TTN: variants seen among roughly 807,000 people sequenced by gnomAD.
TTN encodes titin, also known as connectin.
In TTN, 1,525 loss-of-function variants were observed where a neutral mutation model predicts 3,223.0. The observed-to-expected ratio is 0.47, with a 90% CI of 0.45 to 0.49. The LOEUF is 0.49. Among genes scored for constraint, TTN ranks in the 20% least tolerant of loss-of-function variants. TTN has a pLI of 0.00. For synonymous variants in TTN, 14,094 were observed against 15,161.0 expected (o/e 0.93, Z 5.17); for missense variants, 40,786 against 43,424.0 (o/e 0.94, Z 5.40).
In TTN at chr2:178,534,547, A is replaced by T. The variant is rs1254337927; in HGVS notation, c.102068T>A (p.Ile34023Asn). ...NPFLAETNQQIIENIMNAEYT... is the reference protein window; with the variant it reads ...NPFLAETNQQNIENIMNAEYT... ...TTCAGCATTCATGATATTCTCAATG[A>T]TCTGTTGGTTAGTTTCAGCCAGGAA... is the stretch of plus-strand genomic sequence containing the variant. Residue 34023 changes from isoleucine (I) to asparagine (N), a missense_variant, in exon 358 of 363, where the codon ATC (isoleucine) becomes AAC (asparagine). Ile to Asn is a moderately radical substitution (Grantham distance 149, BLOSUM62 -3). Transcript: ENST00000589042. The T allele has an allele frequency of 1.2e-6, 2 of 1,613,734 alleles. No homozygotes were observed. The highest frequency in any genetic ancestry group is 1.7e-6 in the Non-Finnish European group (2 of 1,179,814).
rs1477274321 is a variant in TTN, at chr2:178,720,819, A to C, written c.23098+102T>G. 3 of 1,423,930 alleles carry C rather than the reference A, an allele frequency of 2.1e-6. No individual in the cohort carries two copies. The East Asian group carries it at 7.3e-5, about 35-fold the overall frequency. The allele number at this position is 1,423,930 out of a possible 1,614,324, so 88.2% of individuals were successfully genotyped here. On this transcript the variant is annotated intron_variant, in intron 79 of 362. Coordinates refer to ENST00000589042, the MANE Select transcript of TTN (RefSeq NM_001267550.2). Reference sequence around the variant, plus strand: ...TCATTAAAACTTGTTGAAGAATTGCAACCAAATAACCTTAATTATCCTTTT... The same window carrying C: ...TCATTAAAACTTGTTGAAGAATTGCCACCAAATAACCTTAATTATCCTTTT...
Position 178,600,836 on chromosome 2 carries a change from C to T in TTN, c.56050+18G>A. Reference sequence around the variant, plus strand: ...CAGCTGTAAGGAGGACATTCTTTGTCAGTACATTGGTACTTACATGTCTGG... The same window carrying T: ...CAGCTGTAAGGAGGACATTCTTTGTTAGTACATTGGTACTTACATGTCTGG... On this transcript the variant is annotated intron_variant, in intron 288 of 362. Transcript: ENST00000589042. 1 of 1,612,356 alleles carries T rather than the reference C, an allele frequency of 6.2e-7. No individual in the cohort carries two copies. The highest frequency in any genetic ancestry group is 8.5e-7 in the Non-Finnish European group (1 of 1,178,836).
Position 178,704,934 on chromosome 2 carries a change from G to A in TTN, c.29637C>T (p.Asp9879=), listed in dbSNP as rs375591605. 6.4e-5 allele frequency: 103 copies of A among 1,612,790 alleles called. No individual in the cohort carries two copies. The highest frequency in any genetic ancestry group is 1.1e-4 in the African/African-American group (8 of 74,904). The part of the protein sequence containing the change: ...EIEEIERSER[D]EKEFEELVSF... ...ATACAAGTTCCTCAAATTCCTTTTC[G>A]TCCCTCTCTGACCTCTCTATTTCCT... The change falls in exon 104 of 363, where the codon GAC becomes GAT. Residue 9879 remains aspartate (D), a synonymous_variant. Transcript: ENST00000589042.
Position 178,782,785 on chromosome 2 carries a change from T to C in TTN, c.3100+21A>G, listed in dbSNP as rs758840854. On this transcript the variant is annotated intron_variant, in intron 18 of 362. Transcript: ENST00000589042. ...AAAGTGATGGCATGTGCATTAGGAC[T>C]GTGGGAGGGTGGCCACTAACCCTGC... 8.1e-6 allele frequency: 13 copies of C among 1,612,216 alleles called. No homozygotes were observed. The East Asian group carries it at 1.8e-4, about 22-fold the overall frequency.
At chr2:178,726,539 A>AAG (rs2079370272) in intron 69 of TTN, 1 of 152,892 alleles carries the variant, frequency 6.5e-6, no homozygotes, top group South Asian at 2.1e-4. Flanking sequence ...GTGACAAAAA[A>AAG]AAAAAGCACT....
rs2057726162 is a variant in TTN, at chr2:178,618,352, C to T, written c.47106G>A (p.Lys15702=). Residue 15702 remains lysine, a synonymous_variant, in exon 252 of 363, where the codon AAG becomes AAA. Transcript: ENST00000589042. The part of the protein sequence containing the change: ...YVVERRDIKR[K]TWVLATDRAE... ...CACGGTCTGTGGCCAGAACCCAGGT[C>T]TTTCTCTTAATGTCACGTCTTTCAA... is the stretch of plus-strand genomic sequence containing the variant. 7 of 1,612,600 alleles carry T rather than the reference C, an allele frequency of 4.3e-6. No homozygotes were observed. Among genetic ancestry groups the T allele is most frequent in the Non-Finnish European group, 5.9e-6 (7 of 1,179,098 alleles).
At position 178,567,784 on chromosome 2, in the gene TTN, A is replaced by G. The variant is rs745991440; in HGVS notation, c.78348T>C (p.Gly26116=). 6.2e-7 allele frequency: 1 copy of G among 1,613,400 alleles called. No homozygotes were observed. Among genetic ancestry groups the G allele is most frequent in the East Asian group, 2.2e-5 (1 of 44,822 alleles). ...CAATGTAGCCTGTAATCATACTTCC[A>G]CCATCATACACAGGTTTGGTCCACT... ...TLQWTKPVYD[G]GSMITGYIVE... is the part of the protein sequence containing the mutation. Residue 26116 remains glycine, a synonymous_variant, in exon 326 of 363, where the codon GGT becomes GGC. Transcript: ENST00000589042.
intron 208 of TTN, 146 bp from the exon 209 acceptor site, chr2:178,650,980 C>A (rs2062841928): frequency 7.9e-6 from 7 of 882,316 alleles, no homozygotes; most frequent in Admixed American, 4.9e-5. Flanking sequence ...GTCTTTGGAC[C>A]CTCATATAGT....
rs369095270 is a variant in TTN, at chr2:178,672,161, C to G, written c.35037G>C (p.Pro11679=). The G allele has an allele frequency of 3.1e-6, 5 of 1,595,494 alleles. No homozygotes were observed. Among genetic ancestry groups the G allele is most frequent in the Non-Finnish European group, 4.3e-6 (5 of 1,169,344 alleles). Reference sequence around the variant, plus strand: ...CAACTTCATGGAACTCTTCTTCTTCCGGAATTTCTTCCACTTCTGCTTCTA... The same window carrying G: ...CAACTTCATGGAACTCTTCTTCTTCGGGAATTTCTTCCACTTCTGCTTCTA... ...EVVEAEVEEI[P]EEEEFHEVEE... The change falls in exon 155 of 363, where the codon CCG becomes CCC. Residue 11679 remains proline, a synonymous_variant. Coordinates refer to ENST00000589042, the MANE Select transcript of TTN (RefSeq NM_001267550.2).
In TTN at chr2:178,574,629, C is replaced by A; in HGVS notation, c.71503G>T (p.Val23835Leu). The change falls in exon 326 of 363, where the codon GTA becomes TTA. Residue 23835 changes from valine to leucine, a missense_variant. Val to Leu is a conservative substitution (Grantham distance 32). Coordinates refer to ENST00000589042, the MANE Select transcript of TTN (RefSeq NM_001267550.2). ...ATTGAATCCTTGGTAACTGCAGTTA[C>A]CTGAGGGGTACCAGGAGGTCCAGGA... ...KVPGPPGTPQ[V>L]TAVTKDSMTI... 1 of 1,613,042 alleles carries A rather than the reference C, an allele frequency of 6.2e-7. No homozygotes were observed. Among genetic ancestry groups the A allele is most frequent in the Non-Finnish European group, 8.5e-7 (1 of 1,179,432 alleles).
Position 178,795,117 on chromosome 2 carries a change from G to C in TTN, c.1050C>G (p.Tyr350Ter). The C allele has an allele frequency of 6.2e-7, 1 of 1,614,152 alleles. No homozygotes were observed. The highest frequency in any genetic ancestry group is 8.5e-7 in the Non-Finnish European group (1 of 1,180,016). The change falls in exon 7 of 363, where the codon TAC becomes TAG. Residue 350 changes from tyrosine (Y) to a stop codon, truncating the protein, a stop_gained. Coordinates refer to ENST00000589042, the MANE Select transcript of TTN (RefSeq NM_001267550.2). LOFTEE classifies it high-confidence loss of function. ...EVPPPWKQEGYVASSSEAEMR... is the reference protein window; with the variant it reads ...EVPPPWKQEG The stretch of plus-strand genomic sequence containing the variant: ...TCTCAGCCTCAGATGAGGAGGCCAC[G>C]TAGCCCTCTTGCTTCCAAGGGGGAG...
chr2:178,645,920 C>T lies in TTN; in HGVS notation c.40408G>A (p.Ala13470Thr), dbSNP rs2061858723. 1 of 1,558,828 alleles carries T rather than the reference C, an allele frequency of 6.4e-7. No individual in the cohort carries two copies. The highest frequency in any genetic ancestry group is 8.7e-7 in the Non-Finnish European group (1 of 1,152,946). Residue 13470 changes from alanine to threonine, a missense_variant and splice_region_variant, in exon 217 of 363, where the codon GCT (alanine) becomes ACT (threonine). Transcript: ENST00000589042. The part of the protein sequence containing the change: ...DVKEKIFQLK[A>T]IPKKKVPEKP... ...AAACTTTGGAAGTGGCATTTTTTAC[C>T]TTTAAGTTGGAATATTTTCTCCTTC...
In TTN at chr2:178,697,023, T is replaced by C. The variant is rs921845117; in HGVS notation, c.30802+98A>G. On this transcript the variant is annotated intron_variant, in intron 113 of 362. Coordinates refer to ENST00000589042, the MANE Select transcript of TTN (RefSeq NM_001267550.2). ...AACACAGCAGAGGAGACTCCACAAC[T>C]TTCAATAAGTTGGAAGCCTAATATT... 4 of 1,126,742 alleles carry C rather than the reference T, an allele frequency of 3.6e-6. No individual in the cohort carries two copies. In the African/African-American group the frequency reaches 6.3e-5, roughly 18 times the overall value. The allele number at this position is 1,126,742 out of a possible 1,614,324, so 69.8% of individuals were successfully genotyped here.
chr2:178,733,442 A>C lies in TTN; in HGVS notation c.15851T>G (p.Val5284Gly), dbSNP rs1327029023. The change falls in exon 54 of 363, where the codon GTG (valine) becomes GGG (glycine). Residue 5284 changes from valine to glycine, a missense_variant. Physicochemically the swap from Val to Gly is moderately radical, Grantham distance 109. Transcript: ENST00000589042. Reference sequence around the variant, plus strand: ...GGGCTTCAGTTCTGGCGTGCCTGCCACTGTGTACTCCAGTGTGGCGGGATC... The same window carrying C: ...GGGCTTCAGTTCTGGCGTGCCTGCCCCTGTGTACTCCAGTGTGGCGGGATC... ...AGDPATLEYT[V>G]AGTPELKPKW... is the part of the protein sequence containing the mutation. 1 of 1,613,806 alleles carries C rather than the reference A, an allele frequency of 6.2e-7. No homozygotes were observed. The highest frequency in any genetic ancestry group is 1.1e-5 in the South Asian group (1 of 91,068).
At chr2:178,774,668 T>C (rs1456647095) in intron 29 of TTN, 195 bp from the exon 30 acceptor site, 1 of 699,056 alleles carries the variant, frequency 1.4e-6, no homozygotes, top group East Asian at 2.8e-5. Context: ...TAAATATTTT[T>C]GAAAGTAAAG....
chr2:178,625,219 A>G lies in TTN; in HGVS notation c.44548+54T>C, dbSNP rs913550547. ...CATATAAAGATAATTGAGAGTTGGCATTGTTCATGAGCCTCTGCCTTATAC... is the reference window on the plus strand; with the variant it reads ...CATATAAAGATAATTGAGAGTTGGCGTTGTTCATGAGCCTCTGCCTTATAC... On this transcript the variant is annotated intron_variant, in intron 241 of 362. Transcript: ENST00000589042. The G allele has an allele frequency of 7.0e-6, 11 of 1,568,576 alleles. No individual in the cohort carries two copies. In the African/African-American group the frequency reaches 1.5e-4, roughly 22 times the overall value.
In TTN at chr2:178,653,057, T is replaced by C; in HGVS notation, c.38859A>G (p.Glu12953=). 1 of 1,613,410 alleles carries C rather than the reference T, an allele frequency of 6.2e-7. No individual in the cohort carries two copies. Among genetic ancestry groups the C allele is most frequent in the Non-Finnish European group, 8.5e-7 (1 of 1,179,578 alleles). The change falls in exon 199 of 363, where the codon GAA becomes GAG. Residue 12953 remains glutamate (E), a synonymous_variant. Transcript: ENST00000589042. ...GACAAATACCTTTAACAGGTGGGAC[T>C]TCAGGTTTTTTAGGAGGAGTCACTG... The part of the protein sequence containing the change: ...KVPVTPPKKP[E]VPPVKVPEAP...
Position 178,605,563 on chromosome 2 carries a change from C to T in TTN, c.53732G>A (p.Arg17911Lys). 6.8e-6 allele frequency: 11 copies of T among 1,608,084 alleles called. No homozygotes were observed. Among genetic ancestry groups the T allele is most frequent in the Non-Finnish European group, 8.5e-6 (10 of 1,176,820 alleles). The change falls in exon 279 of 363, where the codon AGA (arginine) becomes AAA (lysine). Residue 17911 changes from arginine to lysine, a missense_variant. Physicochemically the swap from Arg to Lys is conservative, Grantham distance 26. Coordinates refer to ENST00000589042, the MANE Select transcript of TTN (RefSeq NM_001267550.2). ...GGTTGGGCAGAGTCGCTTGTTAACTCTTTCAAAGTCAGGTTTGTCATGACG... is the reference window on the plus strand; with the variant it reads ...GGTTGGGCAGAGTCGCTTGTTAACTTTTTCAAAGTCAGGTTTGTCATGACG... ...KRRHDKPDFERVNKRLCPTTS... is the reference protein window; with the variant it reads ...KRRHDKPDFEKVNKRLCPTTS...
chr2:178,611,012 T>A lies in TTN; in HGVS notation c.51117A>T (p.Ser17039=). 6.2e-7 allele frequency: 1 copy of A among 1,612,466 alleles called. No homozygotes were observed. Among genetic ancestry groups the A allele is most frequent in the Non-Finnish European group, 8.5e-7 (1 of 1,179,024 alleles). Reference sequence around the variant, plus strand: ...GATTACCTATGACTTTGACATTGATTGAGGCTGTTGCTGAGCCGAGCTTAT... The same window carrying A: ...GATTACCTATGACTTTGACATTGATAGAGGCTGTTGCTGAGCCGAGCTTAT... ...LENKLGSATA[S]INVKVIGLPG... Residue 17039 remains serine (S), a synonymous_variant, in exon 270 of 363, where the codon TCA becomes TCT. Transcript: ENST00000589042.
Sources: gnomAD v4.1 joint callset for allele counts on GRCh38, gnomAD v4.1.1 for gene constraint, MANE v1.5 for transcripts, NCBI Gene and HGNC (gene_info 2026-07-23, HGNC 2026-07-21) for gene names.